NOL10: variants seen among roughly 807,000 people sequenced by gnomAD.
The protein encoded by NOL10 is H_NH0074G24.1.
Under a neutral mutation model 103.5 loss-of-function variants are expected in NOL10, and 58 were observed. The observed-to-expected ratio is 0.56, with a 90% confidence interval of 0.45 to 0.70. NOL10 has a LOEUF of 0.70. NOL10 is among the 30% of genes least tolerant of loss of function. The pLI, the probability that NOL10 is intolerant of heterozygous loss-of-function variation, is 0.00. For missense variants in NOL10, 763 were observed against 807.3 expected (o/e 0.95, Z 0.67); for synonymous variants, 287 against 282.5 (o/e 1.02, Z -0.16).
intron 9 of NOL10, among the ~76,000 whole-genome samples, chr2:10,661,921 C>G (rs1289336045): frequency 6.6e-6 from 1 of 150,420 alleles, no homozygotes; most frequent in Non-Finnish European, 1.5e-5. Context: ...AAAAAAAAAC[C>G]CTCTAGTTTT....
At chr2:10,638,282 CTCAT>C (rs1487998813) in intron 13 of NOL10, among the ~76,000 whole-genome samples, 5 of 151,280 alleles carry the variant, frequency 3.3e-5, no homozygotes, top group Non-Finnish European at 5.9e-5. Flanking sequence ...AAGACCCTGT[CTCAT>C]TCAAAAATAA....
intron 3 of NOL10, among the ~76,000 whole-genome samples, chr2:10,676,309 A>T (rs189162968): frequency 2.6e-4 from 40 of 152,324 alleles, no homozygotes; most frequent in Admixed American, 2.6e-3. Flanking sequence ...AACTTACATA[A>T]ATTGAACTCA....
In NOL10 at chr2:10,653,251, G is replaced by A. The variant is rs73167884; in HGVS notation, c.973+1230C>T. Among the ~76,000 whole-genome samples, 563 of 151,764 alleles carry A rather than the reference G, an allele frequency of 3.7e-3. 9 individuals carry two copies. The highest frequency in any genetic ancestry group is 0.012 in the African/African-American group (504 of 41,378). On this transcript the variant is annotated intron_variant, in intron 12 of 20. Coordinates refer to ENST00000381685, the MANE Select transcript of NOL10 (RefSeq NM_024894.4). ...CCCTTTCCATAGACACTATGAGTGAGTACACCTAGTATAAGGTCAAGGGAG... is the reference window on the plus strand; with the variant it reads ...CCCTTTCCATAGACACTATGAGTGAATACACCTAGTATAAGGTCAAGGGAG...
intron 12 of NOL10, among the ~76,000 whole-genome samples, chr2:10,648,818 C>T (rs552266174): frequency 3.2e-4 from 48 of 152,020 alleles, no homozygotes; most frequent in African/African-American, 1.1e-3. Context: ...AGACCACTGG[C>T]CTGATCTTTG....
rs374350563 is a variant in NOL10 at position 10,639,591 on chromosome 2, T to C, written c.1026+4729A>G. ...TAGGGGCTCGGAATTCAGGAGCATT[T>C]CCAACAGAAACACCATTAAGCAGAA... On this transcript the variant is annotated intron_variant, in intron 13 of 20. Transcript: ENST00000381685. Among the ~76,000 whole-genome samples the C allele has an allele frequency of 2.0e-5, 3 of 152,280 alleles. No homozygotes were observed. The East Asian group carries it at 5.8e-4, about 29-fold the overall frequency.
At chr2:10,664,410 C>CA (rs149185887) in intron 8 of NOL10, among the ~76,000 whole-genome samples, 31,142 of 148,864 alleles carry the variant, frequency 0.21, 4,168 homozygotes, top group Non-Finnish European at 0.31. Flanking sequence ...AAGACTGTCT[C>CA]AAAAAAAAAC....
intron 12 of NOL10, among the ~76,000 whole-genome samples, chr2:10,644,811 A>G (rs1678940702): frequency 6.6e-6 from 1 of 152,226 alleles, no homozygotes; most frequent in South Asian, 2.1e-4. Flanking sequence ...CATTCAATAA[A>G]GGATTCTCTA....
At chr2:10,595,541 C>T (rs1675631327) in intron 17 of NOL10, among the ~76,000 whole-genome samples, 1 of 152,094 alleles carries the variant, frequency 6.6e-6, no homozygotes, top group East Asian at 1.9e-4. Context: ...AAGTGATCCT[C>T]CCTGCCTTGG....
intron 13 of NOL10, among the ~76,000 whole-genome samples, chr2:10,638,300 A>AACGTG (rs147968545): frequency 0.035 from 3,076 of 87,048 alleles, 33 homozygotes; most frequent in Non-Finnish European, 0.046. Context: ...AAAATAACGT[A>AACGTG]ACGTGACGTG....
At chr2:10,659,458 C>T (rs1197739843) in intron 9 of NOL10, among the ~76,000 whole-genome samples, 2 of 150,466 alleles carry the variant, frequency 1.3e-5, no homozygotes, top group Non-Finnish European at 3.0e-5. Flanking sequence ...GGGAGGATTT[C>T]TTGAGGCCAA....
chr2:10,644,420 T>G, intron 12 of NOL10, 48 bp from the exon 13 acceptor site: 1 of 1,334,252 alleles, frequency 7.5e-7, no homozygotes, highest in Non-Finnish European at 1.0e-6. Context: ...AAAAAGAAAG[T>G]ACCCTTTTCT....
chr2:10,599,739 G>A (rs1558280568), intron 17 of NOL10, among the ~76,000 whole-genome samples: 2 of 152,166 alleles, frequency 1.3e-5, no homozygotes, highest in Non-Finnish European at 2.9e-5. Context: ...CAGCAAGGGG[G>A]AGTCTTGAGT....
At chr2:10,662,812 G>A in intron 9 of NOL10, 147 bp downstream of exon 9, 1 of 637,604 alleles carries the variant, frequency 1.6e-6, no homozygotes, top group African/African-American at 1.8e-5. Flanking sequence ...TCACTAGTGA[G>A]CTTTTACAGG....
At chr2:10,618,307 C>T (rs1023798094) in intron 13 of NOL10, among the ~76,000 whole-genome samples, 2 of 151,960 alleles carry the variant, frequency 1.3e-5, no homozygotes, top group Non-Finnish European at 2.9e-5. Context: ...TAGGAGCCCC[C>T]ACCTTCACTG....
At chr2:10,648,002 C>T (rs904487301) in intron 12 of NOL10, among the ~76,000 whole-genome samples, 1 of 152,164 alleles carries the variant, frequency 6.6e-6, no homozygotes, top group Non-Finnish European at 1.5e-5. Context: ...TCAAGACACA[C>T]GTAAGCTTTA....
At chr2:10,573,481 C>T (rs955916560) in intron 20 of NOL10, among the ~76,000 whole-genome samples, 3 of 152,106 alleles carry the variant, frequency 2.0e-5, no homozygotes, top group African/African-American at 4.8e-5. Flanking sequence ...CGTGCGCCAC[C>T]GTGCCCAGCC....
rs530574401 is a variant in NOL10 at position 10,645,427 on chromosome 2, T to C, written c.974-1055A>G. The stretch of plus-strand genomic sequence containing the variant: ...AAATATTTTTTGCTGCCTTTCCTTT[T>C]ATTAACACAAAAGTTTGTAAAAGTG... On this transcript the variant is annotated intron_variant, in intron 12 of 20. Transcript: ENST00000381685. Among the ~76,000 whole-genome samples the C allele has an allele frequency of 1.7e-4, 26 of 152,346 alleles. No homozygotes were observed. The South Asian group carries it at 3.7e-3, about 22-fold the overall frequency.
rs1354978433 is a variant in NOL10, at chr2:10,571,836, T to C, written c.*235A>G. On this transcript the variant is annotated 3_prime_UTR_variant, in exon 21 of 21. Transcript: ENST00000381685. The stretch of plus-strand genomic sequence containing the variant: ...TTAACGCCGTGGGGAAAGGACAATG[T>C]TTCCAGGGAGCAACGACTCGCAAGC... The C allele has an allele frequency of 7.6e-6, 3 of 395,794 alleles. No individual in the cohort carries two copies. The highest frequency in any genetic ancestry group is 1.3e-5 in the Non-Finnish European group (3 of 223,000). The allele number at this position is 395,794 out of a possible 1,614,324, so 24.5% of individuals were successfully genotyped here.
rs1379446659 is a variant in NOL10 at position 10,607,249 on chromosome 2, C to T, written c.1089G>A (p.Glu363=). The change falls in exon 14 of 21, where the codon GAG becomes GAA. Residue 363 remains glutamate (E), a synonymous_variant. Transcript: ENST00000381685. ...FLDNLTEELE[E]NPESTVYDDY... is the part of the protein sequence containing the mutation. ...CATCATAGACTGTGCTTTCTGGATT[C>T]TCTTCTAATTCTTCGGTCAAGTTGT... The T allele has an allele frequency of 1.8e-5, 29 of 1,608,812 alleles. No homozygotes were observed. The highest frequency in any genetic ancestry group is 2.5e-5 in the Non-Finnish European group (29 of 1,177,268).
Sources: allele counts gnomAD v4.1 joint callset (sites outside exome capture counted in the v4.1 genomes callset), GRCh38; gene constraint gnomAD v4.1.1; transcripts MANE v1.5; gene names NCBI Gene and HGNC (gene_info 2026-07-23, HGNC 2026-07-21).